The following INPP5F variants were observed in gnomAD, a reference collection of about 807,000 sequenced individuals.
INPP5F encodes inositol polyphosphate-5-phosphatase F, also known as phosphatidylinositide 4-phosphatase SAC2.
In INPP5F, 97 loss-of-function variants were observed where a neutral mutation model predicts 137.2. The observed-to-expected ratio is 0.71, with a 90% CI of 0.60 to 0.84. INPP5F has a LOEUF of 0.84. Among genes scored for constraint, INPP5F ranks in the 40% least tolerant of loss-of-function variants. The pLI, the probability that INPP5F is intolerant of heterozygous loss-of-function variation, is 0.00. For synonymous variants in INPP5F, 504 were observed against 476.9 expected, an observed-to-expected ratio of 1.06 and a Z score of -0.74; for missense variants, 1,271 against 1,371.9, an observed-to-expected ratio of 0.93 and a Z score of 1.16.
chr10:119,743,126 A>G (rs1848426648), intron 1 of INPP5F, among the ~76,000 whole-genome samples: 1 of 152,250 alleles, frequency 6.6e-6, no homozygotes, highest in South Asian at 2.1e-4. Flanking sequence ...AATAGACCAG[A>G]TGAGATGACT....
intron 6 of INPP5F, among the ~76,000 whole-genome samples, chr10:119,795,098 T>G (rs1171056871): frequency 1.6e-5 from 2 of 122,118 alleles, no homozygotes; most frequent in African/African-American, 6.3e-5. Flanking sequence ...CCTCCCTCCC[T>G]CCCGGACGGG....
chr10:119,825,824 G>T (rs1336647306), intron 19 of INPP5F: 5 of 395,032 alleles, frequency 1.3e-5, no homozygotes, highest in Non-Finnish European at 2.2e-5. Context: ...TTTTGTTAAA[G>T]AATTACTTTA....
rs556859501 is a variant in INPP5F, at chr10:119,815,707, G to A, written c.1886+3752G>A. The A allele has an allele frequency of 8.8e-4, 225 of 254,522 alleles. 2 individuals are homozygous for A. Among genetic ancestry groups the A allele is most frequent in the Admixed American group, 1.3e-3 (35 of 26,526 alleles). 15.8% of individuals were successfully genotyped at this position (254,522 alleles called of 1,614,324 possible). A position where few individuals can be genotyped will look rare whatever the true frequency, so the allele number is the denominator to read the frequency against. On this transcript the variant is annotated intron_variant, in intron 15 of 19. Transcript: ENST00000650623. ...CAGCAGGAGTGTCTGAGGGAATGAC[G>A]TGTTAATTGTCAAGAGGAGGAGGTA...
chr10:119,784,289 T>G (rs1006603308), intron 3 of INPP5F, among the ~76,000 whole-genome samples: 3 of 152,230 alleles, frequency 2.0e-5, no homozygotes, highest in Non-Finnish European at 4.4e-5. Context: ...CTACTGAGTT[T>G]TGGTGGGTGT....
Position 119,827,440 on chromosome 10 carries a change from C to T in INPP5F, c.3059C>T (p.Ala1020Val), listed in dbSNP as rs776904524. The change falls in exon 20 of 20, where the codon GCA (alanine) becomes GTA (valine). Residue 1020 changes from alanine (A) to valine (V), a missense_variant. Around this residue, in one of 6 missense-constraint regions of INPP5F, gnomAD observed 490 missense variants for 443.7 expected, o/e 1.10. Coordinates refer to ENST00000650623, the MANE Select transcript of INPP5F (RefSeq NM_014937.4). ...RPSQLDVSLS[A>V]TGPQFLSVEP... ...TCGCAATTAGATGTCTCTCTTTCTG[C>T]AACAGGCCCACAGTTTTTGTCAGTT... 6.2e-7 allele frequency: 1 copy of T among 1,614,192 alleles called. No individual in the cohort carries two copies.
chr10:119,800,568 CAAA>C (rs1850551562), intron 9 of INPP5F, among the ~76,000 whole-genome samples: 1 of 141,156 alleles, frequency 7.1e-6, no homozygotes, highest in Non-Finnish European at 1.6e-5. Flanking sequence ...AAAAAAAAAA[CAAA>C]AACCAAAAAA....
chr10:119,799,333 A>C (rs779443899), intron 9 of INPP5F: 2 of 449,550 alleles, frequency 4.4e-6, no homozygotes, highest in African/African-American at 4.0e-5. Context: ...GTAGGAAGAA[A>C]CAGCCTAAAA....
chr10:119,756,541 C>T (rs1004059957), intron 2 of INPP5F, among the ~76,000 whole-genome samples: 6 of 151,856 alleles, frequency 4.0e-5, no homozygotes, highest in Non-Finnish European at 7.4e-5. Context: ...GAGGTTGAGG[C>T]AGGATAATCG....
chr10:119,788,027 A>G (rs147893911), intron 3 of INPP5F, among the ~76,000 whole-genome samples: 11 of 152,322 alleles, frequency 7.2e-5, no homozygotes, highest in Admixed American at 2.6e-4. Flanking sequence ...TCAACACCAT[A>G]GCAATGGGCA....
chr10:119,777,868 A>G (rs756822092), intron 2 of INPP5F, among the ~76,000 whole-genome samples: 2 of 152,208 alleles, frequency 1.3e-5, no homozygotes, highest in African/African-American at 2.4e-5. Flanking sequence ...ATAAGGAATT[A>G]TGAAATGTTT....
chr10:119,726,886 C>G (rs1352728437), intron 1 of INPP5F, among the ~76,000 whole-genome samples: 2 of 152,228 alleles, frequency 1.3e-5, no homozygotes, highest in Non-Finnish European at 2.9e-5. Flanking sequence ...ACCTCATAGG[C>G]ACTCGGTTTA....
intron 1 of INPP5F, among the ~76,000 whole-genome samples, chr10:119,736,485 G>T (rs1019923373): frequency 6.6e-6 from 1 of 152,196 alleles, no homozygotes; most frequent in Non-Finnish European, 1.5e-5. Context: ...ACTTTTAAAT[G>T]TGTAGGTTTC....
chr10:119,769,233 G>A (rs951490482), intron 2 of INPP5F, among the ~76,000 whole-genome samples: 3 of 152,136 alleles, frequency 2.0e-5, no homozygotes, highest in African/African-American at 4.8e-5. Context: ...CTAGAAATAC[G>A]TAGTTGCAGT....
At chr10:119,738,521 A>G (rs1848279868) in intron 1 of INPP5F, among the ~76,000 whole-genome samples, 2 of 152,242 alleles carry the variant, frequency 1.3e-5, no homozygotes, top group East Asian at 1.9e-4. Context: ...GATCAGTAGG[A>G]TATCTACTAC....
chr10:119,805,067 G>A (rs1017721814), intron 10 of INPP5F, among the ~76,000 whole-genome samples: 7 of 152,120 alleles, frequency 4.6e-5, no homozygotes, highest in Non-Finnish European at 8.8e-5. Flanking sequence ...TGTGTATTCT[G>A]ACAGCAAGGT....
In INPP5F at chr10:119,827,536, G is replaced by C; in HGVS notation, c.3155G>C (p.Gly1052Ala). ...SASSMLELET[G>A]LHVTPSPSES... is the part of the protein sequence containing the mutation. The stretch of plus-strand genomic sequence containing the variant: ...TCCAGCATGCTTGAACTTGAGACAG[G>C]GCTTCATGTAACTCCTTCTCCTTCA... Residue 1052 changes from glycine (G) to alanine (A), a missense_variant, in exon 20 of 20, where the codon GGG (glycine) becomes GCG (alanine). Transcript: ENST00000650623. 1.9e-6 allele frequency: 3 copies of C among 1,614,090 alleles called. No individual in the cohort carries two copies. The highest frequency in any genetic ancestry group is 2.5e-6 in the Non-Finnish European group (3 of 1,179,996).
At chr10:119,747,467 G>A (rs964139231) in intron 1 of INPP5F, among the ~76,000 whole-genome samples, 1 of 152,048 alleles carries the variant, frequency 6.6e-6, no homozygotes, top group African/African-American at 2.4e-5. Context: ...AATCCACCCA[G>A]CTTGGCCTCC....
intron 1 of INPP5F, among the ~76,000 whole-genome samples, chr10:119,739,704 A>C (rs1025162705): frequency 6.6e-6 from 1 of 152,082 alleles, no homozygotes; most frequent in Non-Finnish European, 1.5e-5. Context: ...ATCATGGGTC[A>C]CTGCATCCTT....
intron 19 of INPP5F, among the ~76,000 whole-genome samples, 169 bp downstream of exon 19, chr10:119,824,071 T>A (rs1815125642): frequency 6.6e-6 from 1 of 152,242 alleles, no homozygotes; most frequent in Non-Finnish European, 1.5e-5. Context: ...ACATTCTTCA[T>A]GTATACAATT....
Sources: gnomAD v4.1 joint callset for allele counts (sites outside exome capture counted in the v4.1 genomes callset) on GRCh38, gnomAD v4.1.1 for gene constraint, gnomAD v4.1.1 regional missense constraint, MANE v1.5 for transcripts, NCBI Gene and HGNC (gene_info 2026-07-23, HGNC 2026-07-21) for gene names.